ORAI2: variants seen among roughly 807,000 people sequenced by gnomAD.
ORAI2 encodes ORAI calcium release-activated calcium modulator 2.
ORAI2 carries 10 observed loss-of-function variants against 16.2 expected under a neutral mutation model. The ratio of observed to expected loss-of-function variants is 0.62; its 90% CI spans 0.38 to 1.04. The LOEUF (loss-of-function observed/expected upper bound fraction) is 1.04. ORAI2 is among the 50% of genes least tolerant of loss of function. The pLI is 0.01. For missense variants in ORAI2, 238 were observed against 355.5 expected, an observed-to-expected ratio of 0.67 and a Z score of 2.66; for synonymous variants, 150 against 157.5, an observed-to-expected ratio of 0.95 and a Z score of 0.35.
intron 3 of ORAI2, 42 bp downstream of exon 3, chr7:102,439,223 G>C: frequency 6.4e-7 from 1 of 1,557,934 alleles, no homozygotes; most frequent in African/African-American, 1.4e-5. Context: ...GGTCAGATGG[G>C]CTTTGCTAAC....
intron 1 of ORAI2, among the ~76,000 whole-genome samples, chr7:102,435,177 G>A (rs1418942137): frequency 3.3e-5 from 5 of 152,156 alleles, no homozygotes; most frequent in East Asian, 1.9e-4. Flanking sequence ...TGGTTGAGGC[G>A]GGAGGATCGC....
chr7:102,444,665 CTTTTTTTTT>C (rs35635937), intron 3 of ORAI2, among the ~76,000 whole-genome samples: 5 of 118,052 alleles, frequency 4.2e-5, no homozygotes, highest in Non-Finnish European at 8.3e-5. Context: ...CAGGCTTCTT[CTTTTTTTTT>C]TTTTTTTTTG....
At position 102,451,554 on chromosome 7, in the gene ORAI2, T is replaced by C. The variant is rs111469404; in HGVS notation, c.*4502T>C. On this transcript the variant is annotated 3_prime_UTR_variant, in exon 4 of 4. Coordinates refer to ENST00000495936, the MANE Select transcript of ORAI2 (RefSeq NM_001126340.3). ...TGCGGCAGAGACAGCCACTGTCCTG[T>C]GTGCGGGTTTTTAAAACAGCTGCCC... The C allele has an allele frequency of 0.049, 7,524 of 152,368 alleles. 266 individuals are homozygous for C. Among genetic ancestry groups the C allele is most frequent in the Non-Finnish European group, 0.073 (4,953 of 68,086 alleles). 9.4% of individuals were successfully genotyped at this position (152,368 alleles called of 1,614,324 possible).
Position 102,446,589 on chromosome 7 carries a change from C to T in ORAI2, c.302C>T (p.Thr101Ile). Residue 101 changes from threonine (T) to isoleucine (I), a missense_variant, in exon 4 of 4, where the codon ACC (threonine) becomes ATC (isoleucine). This residue lies in a region of ORAI2 where 176 missense variants were observed against 265.9 expected (regional missense o/e 0.66). Transcript: ENST00000495936. ...CTGCTGATTGCCTTCAGCGCCTGCA[C>T]CACGGTGCTGGTGGCCGTGCACCTG... Reference protein sequence around the residue: ...RPLLIAFSACTTVLVAVHLFA... With the variant: ...RPLLIAFSACITVLVAVHLFA... 1.2e-6 allele frequency: 2 copies of T among 1,613,736 alleles called. No homozygotes were observed. The highest frequency in any genetic ancestry group is 1.6e-4 in the Middle Eastern group (1 of 6,062).
intron 3 of ORAI2, among the ~76,000 whole-genome samples, chr7:102,445,297 GT>G (rs112045195): frequency 0.23 from 30,251 of 134,190 alleles, 3,164 homozygotes; most frequent in East Asian, 0.33. Context: ...TCCGTTTTTT[GT>G]TTTTTTTTTT....
At position 102,436,275 on chromosome 7, in the gene ORAI2, C is replaced by A. The variant is rs1196821252; in HGVS notation, c.-72C>A. 1.0e-6 allele frequency: 1 copy of A among 984,596 alleles called. No homozygotes were observed. Among genetic ancestry groups the A allele is most frequent in the African/African-American group, 1.7e-5 (1 of 57,206 alleles). 61.0% of individuals were successfully genotyped at this position (984,596 alleles called of 1,614,324 possible). A position where few individuals can be genotyped will look rare whatever the true frequency, so the allele number is the denominator to read the frequency against. ...TGCTTGGATGCGGTGCTGCTGGCTG[C>A]GGATGTGCGCAAGGAGATGGGATGG... is the stretch of plus-strand genomic sequence containing the variant. On this transcript the variant is annotated 5_prime_UTR_variant, in exon 2 of 4. The change creates a premature stop within an existing upstream ORF in the 5' untranslated region. Transcript: ENST00000495936.
chr7:102,439,683 G>A (rs1797146772), intron 3 of ORAI2, among the ~76,000 whole-genome samples: 1 of 152,140 alleles, frequency 6.6e-6, no homozygotes, highest in Non-Finnish European at 1.5e-5. Context: ...AGGATCACTT[G>A]AGTCCAGGAG....
intron 3 of ORAI2, among the ~76,000 whole-genome samples, chr7:102,441,012 C>T (rs1008247915): frequency 1.3e-5 from 2 of 152,038 alleles, no homozygotes; most frequent in East Asian, 3.9e-4. Flanking sequence ...CCTGCCTCAG[C>T]CTTTCGAGTA....
At chr7:102,442,852 C>T (rs747111342) in intron 3 of ORAI2, among the ~76,000 whole-genome samples, 45 of 138,152 alleles carry the variant, frequency 3.3e-4, no homozygotes, top group Non-Finnish European at 6.4e-4. Flanking sequence ...AGGGAGACTC[C>T]GTCTCAAAAA....
At position 102,455,618 on chromosome 7, in the gene ORAI2, A is replaced by C. The variant is rs907495486; in HGVS notation, c.*8566A>C. Reference sequence around the variant, plus strand: ...CAGAGACCCTGCACTGGCCCCCTCGAGAGTGGACCCCTGGGCTGGCTTATC... The same window carrying C: ...CAGAGACCCTGCACTGGCCCCCTCGCGAGTGGACCCCTGGGCTGGCTTATC... On this transcript the variant is annotated 3_prime_UTR_variant, in exon 4 of 4. Coordinates refer to ENST00000495936, the MANE Select transcript of ORAI2 (RefSeq NM_001126340.3). The C allele has an allele frequency of 9.2e-5, 14 of 152,352 alleles. No homozygotes were observed. Among genetic ancestry groups the C allele is most frequent in the African/African-American group, 3.1e-4 (13 of 41,582 alleles). The allele number at this position is 152,352 out of a possible 1,614,324, so 9.4% of individuals were successfully genotyped here.
Position 102,452,126 on chromosome 7 carries a change from A to G in ORAI2, c.*5074A>G, listed in dbSNP as rs578100598. Reference sequence around the variant, plus strand: ...GGGCTGGTGGCACTGCTAAGGAAGCACCAGACAGCCTTTTTTTTTTTTTTG... The same window carrying G: ...GGGCTGGTGGCACTGCTAAGGAAGCGCCAGACAGCCTTTTTTTTTTTTTTG... On this transcript the variant is annotated 3_prime_UTR_variant, in exon 4 of 4. Coordinates refer to ENST00000495936, the MANE Select transcript of ORAI2 (RefSeq NM_001126340.3). 1 of 147,830 alleles carries G rather than the reference A, an allele frequency of 6.8e-6. No individual in the cohort carries two copies. The highest frequency in any genetic ancestry group is 2.1e-4 in the South Asian group (1 of 4,714). 9.2% of individuals were successfully genotyped at this position (147,830 alleles called of 1,614,324 possible).
rs2133244876 is a variant in ORAI2 at position 102,454,495 on chromosome 7, G to T, written c.*7443G>T. On this transcript the variant is annotated 3_prime_UTR_variant, in exon 4 of 4. Coordinates refer to ENST00000495936, the MANE Select transcript of ORAI2 (RefSeq NM_001126340.3). ...AAATCGAGGCAGGAATAACCCCAGA[G>T]AATGGGCTTTGCATGGAGCTTGGCT... 6.5e-6 allele frequency: 1 copy of T among 153,800 alleles called. No homozygotes were observed. The highest frequency in any genetic ancestry group is 1.9e-4 in the East Asian group (1 of 5,184). 9.5% of individuals were successfully genotyped at this position (153,800 alleles called of 1,614,324 possible).
chr7:102,434,121 CAAAAAAAAAAA>C (rs55642836), intron 1 of ORAI2, among the ~76,000 whole-genome samples: 33 of 67,020 alleles, frequency 4.9e-4, no homozygotes, highest in African/African-American at 1.7e-3. Context: ...CTCATTAAAG[CAAAAAAAAAAA>C]AAAAAAAAAA....
At chr7:102,445,001 C>T (rs769241319) in intron 3 of ORAI2, among the ~76,000 whole-genome samples, 14 of 152,192 alleles carry the variant, frequency 9.2e-5, no homozygotes, top group Admixed American at 5.2e-4. Context: ...CAGAGCCTGC[C>T]GTTCCTTGGT....
intron 3 of ORAI2, among the ~76,000 whole-genome samples, chr7:102,445,913 C>G (rs893158255): frequency 7.0e-6 from 1 of 142,158 alleles, no homozygotes. Flanking sequence ...CTTTCTCTCT[C>G]TTTCTTTCTT....
intron 3 of ORAI2, among the ~76,000 whole-genome samples, chr7:102,441,645 C>T (rs929277827): frequency 1.3e-5 from 2 of 150,666 alleles, no homozygotes; most frequent in Non-Finnish European, 2.9e-5. Context: ...CACCTTATAC[C>T]AAGGGAGAAA....
Position 102,439,062 on chromosome 7 carries a change from G to A in ORAI2, c.106G>A (p.Glu36Lys). ...YRDWVRRSYLELVTSNHHSVQ... is the reference protein window; with the variant it reads ...YRDWVRRSYLKLVTSNHHSVQ... ...GGACTGGGTCCGCCGCAGCTACCTG[G>A]AACTGGTCACCTCTAACCACCACTC... Residue 36 changes from glutamate (E) to lysine (K), a missense_variant, in exon 3 of 4, where the codon GAA (glutamate) becomes AAA (lysine). Physicochemically the swap from Glu to Lys is moderately conservative, Grantham distance 56. Around this residue, in one of 3 missense-constraint regions of ORAI2, gnomAD observed 61 missense variants for 72.7 expected, o/e 0.84. Transcript: ENST00000495936. 6.2e-7 allele frequency: 1 copy of A among 1,614,082 alleles called. No homozygotes were observed. Among genetic ancestry groups the A allele is most frequent in the Non-Finnish European group, 8.5e-7 (1 of 1,180,042 alleles).
chr7:102,435,434 C>T (rs920535182), intron 1 of ORAI2, among the ~76,000 whole-genome samples: 21 of 152,110 alleles, frequency 1.4e-4, no homozygotes, highest in Non-Finnish European at 2.2e-4. Flanking sequence ...CCCGGTGTTA[C>T]CTGCAAGCAC....
intron 3 of ORAI2, among the ~76,000 whole-genome samples, chr7:102,443,894 A>T (rs1411961494): frequency 2.0e-5 from 3 of 151,888 alleles, no homozygotes; most frequent in Non-Finnish European, 4.4e-5. Flanking sequence ...TTTAGTAGAG[A>T]TGGGGTTTTA....
Sources: gnomAD v4.1 joint callset for allele counts (sites outside exome capture counted in the v4.1 genomes callset) on GRCh38, gnomAD v4.1.1 for gene constraint, gnomAD v4.1.1 regional missense constraint, MANE v1.5 for transcripts, NCBI Gene and HGNC (gene_info 2026-07-23, HGNC 2026-07-21) for gene names.